The following ABCG1 variants were observed in gnomAD, a reference collection of about 807,000 sequenced individuals.
ABCG1 encodes ATP binding cassette subfamily G member 1, also known as ATP-binding cassette sub-family G member 1.
Under a neutral mutation model 69.2 loss-of-function variants are expected in ABCG1, and 29 were observed. The observed-to-expected ratio is 0.42, with a 90% confidence interval of 0.31 to 0.57. ABCG1 has a LOEUF of 0.57. Among genes scored for constraint, ABCG1 ranks in the 20% least tolerant of loss-of-function variants. The pLI is 0.15. For missense variants in ABCG1, 718 were observed against 898.1 expected (o/e 0.80, Z 2.56); for synonymous variants, 370 against 374.8 (o/e 0.99, Z 0.15).
chr21:42,222,432 T>G (rs748980056), intron 1 of ABCG1, among the ~76,000 whole-genome samples: 13 of 152,210 alleles, frequency 8.5e-5, no homozygotes, highest in Admixed American at 2.0e-4. Context: ...CTGTATGATT[T>G]CCTTGGTGTG....
chr21:42,273,684 G>A lies in ABCG1; in HGVS notation c.537+249G>A, dbSNP rs1404441656. Among the ~76,000 whole-genome samples the A allele has an allele frequency of 6.6e-6, 1 of 152,222 alleles. No individual in the cohort carries two copies. The highest frequency in any genetic ancestry group is 1.5e-5 in the Non-Finnish European group (1 of 68,048). ...CCTTGTTTGGCAGGGTTGGGGTCAAGTTTCTGAGAAGGTTATTAACCCGGC... is the reference window on the plus strand; with the variant it reads ...CCTTGTTTGGCAGGGTTGGGGTCAAATTTCTGAGAAGGTTATTAACCCGGC... On this transcript the variant is annotated intron_variant, in intron 4 of 14. Coordinates refer to ENST00000398449, the MANE Select transcript of ABCG1 (RefSeq NM_016818.3). This position sits in a 1 kb window ranked among gnomAD's most constrained non-coding sequence, Gnocchi z 5.3.
At chr21:42,220,989 T>C (rs373466476) in intron 1 of ABCG1, among the ~76,000 whole-genome samples, 9 of 152,324 alleles carry the variant, frequency 5.9e-5, no homozygotes, top group East Asian at 3.9e-4. Flanking sequence ...AGATTTTTAA[T>C]ACCAAGTTTT....
chr21:42,227,706 G>A (rs190664752), intron 2 of ABCG1, among the ~76,000 whole-genome samples: 2 of 152,316 alleles, frequency 1.3e-5, no homozygotes, highest in East Asian at 1.9e-4. Flanking sequence ...ACCTGAGACT[G>A]GGTCATTTTT....
chr21:42,224,162 G>A (rs1185276361), intron 1 of ABCG1, among the ~76,000 whole-genome samples: 4 of 152,214 alleles, frequency 2.6e-5, no homozygotes, highest in Non-Finnish European at 5.9e-5. Context: ...CAGACCTAGA[G>A]CGCATTGTCT....
At chr21:42,205,607 AAAAG>A (rs998850891) in intron 2 of ABCG1, among the ~76,000 whole-genome samples, 19 of 151,988 alleles carry the variant, frequency 1.3e-4, no homozygotes, top group African/African-American at 4.3e-4. Flanking sequence ...CAAAAAAAAA[AAAAG>A]AAAGAAAGAA....
chr21:42,289,908 C>G (rs774129189), intron 10 of ABCG1, 142 bp from the exon 11 acceptor site: 58 of 875,160 alleles, frequency 6.6e-5, no homozygotes, highest in Non-Finnish European at 8.5e-5. Flanking sequence ...GCTTGTTTCT[C>G]TGGAGGAGAA....
intron 2 of ABCG1, among the ~76,000 whole-genome samples, chr21:42,231,877 T>G (rs1382103638): frequency 6.6e-6 from 1 of 152,260 alleles, no homozygotes; most frequent in African/African-American, 2.4e-5. Flanking sequence ...GTCCTTTGCC[T>G]TTAATGGAGG....
chr21:42,202,732 C>CA (rs538626483), intron 2 of ABCG1, among the ~76,000 whole-genome samples: 45 of 152,262 alleles, frequency 3.0e-4, no homozygotes, highest in African/African-American at 1.0e-3. Flanking sequence ...CCACCTCAGC[C>CA]ACCTGAGTCG....
intron 2 of ABCG1, among the ~76,000 whole-genome samples, chr21:42,251,643 C>T (rs763586707): frequency 3.3e-4 from 49 of 150,392 alleles, no homozygotes; most frequent in Non-Finnish European, 5.8e-4. Context: ...GGAGGCGAGG[C>T]GGGGGGAATG....
intron 13 of ABCG1, among the ~76,000 whole-genome samples, chr21:42,293,595 C>G (rs988487885): frequency 7.4e-6 from 1 of 134,636 alleles, no homozygotes; most frequent in Non-Finnish European, 1.6e-5. Flanking sequence ...ACATACCACA[C>G]TACACAGTAC....
chr21:42,270,928 T>G (rs967690163), intron 2 of ABCG1, 142 bp from the exon 3 acceptor site: 5 of 523,302 alleles, frequency 9.6e-6, no homozygotes, highest in African/African-American at 7.9e-5. Context: ...ATGAAGTTCA[T>G]GTTCTTCCCT....
chr21:42,241,312 G>A (rs1374815678), intron 2 of ABCG1, among the ~76,000 whole-genome samples: 7 of 152,186 alleles, frequency 4.6e-5, no homozygotes, highest in Admixed American at 3.9e-4. Flanking sequence ...TCATCAGAGT[G>A]TGTTTCTGTG....
Position 42,291,766 on chromosome 21 carries a change from C to T in ABCG1, c.1653+110C>T, listed in dbSNP as rs1451234851. ...CCCTTCCCCTACTTCTGCCCTGACC[C>T]TCCTAGATGGGGTCGTTCCCACGGG... On this transcript the variant is annotated intron_variant, in intron 13 of 14. Coordinates refer to ENST00000398449, the MANE Select transcript of ABCG1 (RefSeq NM_016818.3). The surrounding 1 kb of genome is among the most constrained non-coding windows in gnomAD (Gnocchi z 6.4). 1.5e-6 allele frequency: 2 copies of T among 1,299,480 alleles called. No individual in the cohort carries two copies. Among genetic ancestry groups the T allele is most frequent in the Non-Finnish European group, 1.0e-6 (1 of 976,512 alleles). The allele number at this position is 1,299,480 out of a possible 1,614,324, so 80.5% of individuals were successfully genotyped here.
intron 2 of ABCG1, among the ~76,000 whole-genome samples, chr21:42,264,375 A>C (rs183721933): frequency 2.6e-5 from 4 of 152,274 alleles, no homozygotes; most frequent in Admixed American, 2.6e-4. Context: ...TCATCCATCC[A>C]TCTGTCTGTC....
chr21:42,215,188 C>T (rs554910068), upstream of ABCG1, among the ~76,000 whole-genome samples: 24 of 152,298 alleles, frequency 1.6e-4, no homozygotes, highest in South Asian at 3.9e-3. Flanking sequence ...CAGTCTCACC[C>T]CAATGGCCTG....
chr21:42,242,428 G>A lies in ABCG1; in HGVS notation c.286+16514G>A, dbSNP rs192470213. Among the ~76,000 whole-genome samples, 23 of 152,322 alleles carry A rather than the reference G, an allele frequency of 1.5e-4. 1 individual carries two copies. Among genetic ancestry groups the A allele is most frequent in the African/African-American group, 5.3e-4 (22 of 41,568 alleles). ...AGCGGGGAGGGTTGCTTGAGGCTAG[G>A]AGTTCAAGGCTGCAGTAAGCTATGA... On this transcript the variant is annotated intron_variant, in intron 2 of 14. Coordinates refer to ENST00000398449, the MANE Select transcript of ABCG1 (RefSeq NM_016818.3).
chr21:42,217,679 C>CTTT (rs71190409), upstream of ABCG1, among the ~76,000 whole-genome samples: 144 of 61,648 alleles, frequency 2.3e-3, 21 homozygotes, highest in East Asian at 6.8e-3. Flanking sequence ...TGGATCTACT[C>CTTT]TTTTTTTTTT....
Position 42,257,562 on chromosome 21 carries a change from C to G in ABCG1, c.287-13508C>G, listed in dbSNP as rs566757375. 9.2e-5 allele frequency among the ~76,000 whole-genome samples: 14 copies of G among 152,222 alleles called. No individual in the cohort carries two copies. In the South Asian group the frequency reaches 2.9e-3, roughly 32 times the overall value. Reference sequence around the variant, plus strand: ...GCTGAGACAGCTGTGTAGGGCGTGGCGGTGACCCTGGGGAAGGACCGTACT... The same window carrying G: ...GCTGAGACAGCTGTGTAGGGCGTGGGGGTGACCCTGGGGAAGGACCGTACT... On this transcript the variant is annotated intron_variant, in intron 2 of 14. Coordinates refer to ENST00000398449, the MANE Select transcript of ABCG1 (RefSeq NM_016818.3).
At chr21:42,236,998 G>A (rs1462775003) in intron 2 of ABCG1, among the ~76,000 whole-genome samples, 2 of 152,182 alleles carry the variant, frequency 1.3e-5, no homozygotes, top group Non-Finnish European at 2.9e-5. Flanking sequence ...AAATGGCCGT[G>A]TCCTGAATGG....
Sources: allele counts gnomAD v4.1 joint callset (sites outside exome capture counted in the v4.1 genomes callset), GRCh38; gene constraint gnomAD v4.1.1; non-coding constraint Gnocchi (gnomAD v3.1); transcripts MANE v1.5; gene names NCBI Gene and HGNC (gene_info 2026-07-23, HGNC 2026-07-21).